The following DLGAP2 variants were observed in gnomAD, a reference collection of about 807,000 sequenced individuals.
The protein encoded by DLGAP2 is DLG associated protein 2.
DLGAP2 carries 26 observed loss-of-function variants against 100.3 expected under a neutral mutation model. That is an observed-to-expected ratio of 0.26 (90% confidence interval 0.19 to 0.36). The LOEUF is 0.36. DLGAP2 is among the 10% of genes least tolerant of loss of function. The pLI is 1.00. For synonymous variants in DLGAP2, 886 were observed against 630.1 expected, an observed-to-expected ratio of 1.41 and a Z score of -6.08; for missense variants, 1,858 against 1,453.2, an observed-to-expected ratio of 1.28 and a Z score of -4.53.
chr8:1,479,949 C>G (rs1001034541), intron 3 of DLGAP2, among the ~76,000 whole-genome samples: 2 of 152,150 alleles, frequency 1.3e-5, no homozygotes, highest in Non-Finnish European at 2.9e-5. Flanking sequence ...GCTGGCGTGA[C>G]TTTTGTTTTT....
chr8:1,413,299 A>T (rs895346451), intron 3 of DLGAP2, among the ~76,000 whole-genome samples: 13 of 152,250 alleles, frequency 8.5e-5, no homozygotes, highest in African/African-American at 3.1e-4. Context: ...TGGGAAGCAG[A>T]ATGAATAAAT....
At chr8:1,191,331 C>T (rs571267886) in intron 2 of DLGAP2, among the ~76,000 whole-genome samples, 95 of 152,000 alleles carry the variant, frequency 6.3e-4, no homozygotes, top group African/African-American at 2.1e-3. Context: ...CCACCACGCC[C>T]GGCTAATTTT....
intron 3 of DLGAP2, among the ~76,000 whole-genome samples, chr8:1,358,142 C>T (rs995801208): frequency 2.0e-5 from 3 of 152,130 alleles, no homozygotes; most frequent in African/African-American, 7.2e-5. Flanking sequence ...AGAGAAAATC[C>T]AGGTGCATCC....
At chr8:1,574,048 G>A (rs1802864407) in intron 6 of DLGAP2, among the ~76,000 whole-genome samples, 1 of 152,172 alleles carries the variant, frequency 6.6e-6, no homozygotes, top group African/African-American at 2.4e-5. Flanking sequence ...GCATTGAGGG[G>A]TCCACCCTAG....
At chr8:1,541,867 G>A (rs1168988630) in intron 4 of DLGAP2, among the ~76,000 whole-genome samples, 1 of 152,202 alleles carries the variant, frequency 6.6e-6, no homozygotes, top group Non-Finnish European at 1.5e-5. Flanking sequence ...CGTGTACAAT[G>A]GAATGATGGA....
intron 3 of DLGAP2, among the ~76,000 whole-genome samples, chr8:1,298,895 G>GA (rs1189595362): frequency 6.6e-6 from 1 of 152,110 alleles, no homozygotes; most frequent in Non-Finnish European, 1.5e-5. Context: ...CCTGAGGCAG[G>GA]AACGGGGGGA....
intron 3 of DLGAP2, among the ~76,000 whole-genome samples, chr8:1,368,225 GGT>G (rs1249677047): frequency 2.0e-5 from 3 of 152,080 alleles, no homozygotes; most frequent in African/African-American, 7.2e-5. Context: ...TCTGTGTGCA[GGT>G]GTGTATGCAT....
At chr8:1,478,454 T>C (rs1289525891) in intron 3 of DLGAP2, among the ~76,000 whole-genome samples, 1 of 152,226 alleles carries the variant, frequency 6.6e-6, no homozygotes, top group East Asian at 1.9e-4. Context: ...GCCCTGGCTT[T>C]CCTCAGGTGG....
chr8:1,136,795 C>A (rs1015173912), intron 2 of DLGAP2, among the ~76,000 whole-genome samples: 1 of 152,204 alleles, frequency 6.6e-6, no homozygotes, highest in Non-Finnish European at 1.5e-5. Context: ...GGTGCAGGTG[C>A]GCCTAGAAGA....
intron 3 of DLGAP2, among the ~76,000 whole-genome samples, chr8:1,497,439 G>A (rs746213362): frequency 5.3e-5 from 8 of 152,186 alleles, no homozygotes; most frequent in Non-Finnish European, 1.0e-4. Context: ...TTGTATGACA[G>A]CAGCCAACGT....
intron 2 of DLGAP2, among the ~76,000 whole-genome samples, chr8:943,509 A>T (rs1799242760): frequency 6.6e-6 from 1 of 152,170 alleles, no homozygotes; most frequent in South Asian, 2.1e-4. Context: ...CACAGCAAGA[A>T]CCGCTGTGTA....
intron 3 of DLGAP2, among the ~76,000 whole-genome samples, chr8:1,385,979 C>A (rs1162446729): frequency 6.6e-6 from 1 of 152,282 alleles, no homozygotes; most frequent in Non-Finnish European, 1.5e-5. Context: ...TCAATGAGAT[C>A]TGAAGATTGG....
intron 2 of DLGAP2, among the ~76,000 whole-genome samples, chr8:1,159,105 C>T (rs1454050250): frequency 6.6e-6 from 1 of 152,172 alleles, no homozygotes; most frequent in African/African-American, 2.4e-5. Context: ...GAACGTAGAC[C>T]TGGTCATTTG....
chr8:1,509,891 T>A (rs1388101348), intron 4 of DLGAP2, among the ~76,000 whole-genome samples: 1 of 152,198 alleles, frequency 6.6e-6, no homozygotes, highest in East Asian at 1.9e-4. Context: ...TGTCCAGGTT[T>A]AAAGGTGCAT....
At chr8:952,520 C>G (rs2129008097) in intron 2 of DLGAP2, among the ~76,000 whole-genome samples, 1 of 151,964 alleles carries the variant, frequency 6.6e-6, no homozygotes, top group East Asian at 1.9e-4. Context: ...GTCTATAATC[C>G]CAACTACTCA....
intron 2 of DLGAP2, among the ~76,000 whole-genome samples, chr8:1,012,483 G>C (rs112307130): frequency 3.3e-5 from 5 of 149,392 alleles, no homozygotes; most frequent in South Asian, 2.1e-4. Context: ...TGTGGACACC[G>C]TCTGACCAGC....
chr8:1,065,532 C>T (rs1203447104), intron 2 of DLGAP2, among the ~76,000 whole-genome samples: 1 of 152,196 alleles, frequency 6.6e-6, no homozygotes. Flanking sequence ...GGGAGTACAA[C>T]ATCCTCTAAA....
intron 3 of DLGAP2, among the ~76,000 whole-genome samples, chr8:1,327,139 C>A (rs887194310): frequency 6.6e-6 from 1 of 152,232 alleles, no homozygotes; most frequent in Admixed American, 6.5e-5. Flanking sequence ...CCTCCTGACA[C>A]TGAGCGAGAT....
chr8:1,517,704 G>A (rs1800442110), intron 4 of DLGAP2, among the ~76,000 whole-genome samples: 1 of 152,244 alleles, frequency 6.6e-6, no homozygotes, highest in African/African-American at 2.4e-5. Flanking sequence ...GCAGGCAGCA[G>A]CATTTGCAAG....
Sources: gnomAD v4.1 joint callset for allele counts (sites outside exome capture counted in the v4.1 genomes callset) on GRCh38, gnomAD v4.1.1 for gene constraint, MANE v1.5 for transcripts, NCBI Gene and HGNC (gene_info 2026-07-23, HGNC 2026-07-21) for gene names.